FARS2: variants seen among roughly 807,000 people sequenced by gnomAD.
The protein encoded by FARS2 is phenylalanine--tRNA ligase, mitochondrial.
Under a neutral mutation model 46.4 loss-of-function variants are expected in FARS2, and 40 were observed. The observed-to-expected ratio is 0.86, with a 90% CI of 0.67 to 1.12. FARS2 has a LOEUF of 1.12. Ranked by LOEUF, FARS2 falls within the 50% of genes most tolerant of loss-of-function variation. FARS2 has a pLI of 0.00. For missense variants in FARS2, 513 were observed against 567.9 expected (o/e 0.90, Z 0.98); for synonymous variants, 234 against 214.9 (o/e 1.09, Z -0.78).
chr6:5,602,645 C>CAAAAAAA (rs55712653), intron 5 of FARS2, among the ~76,000 whole-genome samples: 2 of 72,196 alleles, frequency 2.8e-5, no homozygotes, highest in African/African-American at 8.4e-5. Flanking sequence ...GACTCCGTCT[C>CAAAAAAA]AAAAAAAAAA....
intron 4 of FARS2, among the ~76,000 whole-genome samples, chr6:5,473,694 G>T (rs1038056064): frequency 6.6e-6 from 1 of 152,068 alleles, no homozygotes; most frequent in Non-Finnish European, 1.5e-5. Flanking sequence ...GGGTGAATTT[G>T]GTAGAAGACT....
chr6:5,423,078 C>T (rs1158421233), intron 3 of FARS2, among the ~76,000 whole-genome samples: 1 of 146,600 alleles, frequency 6.8e-6, no homozygotes, highest in Non-Finnish European at 1.5e-5. Flanking sequence ...CCAGGCTGTC[C>T]CCCACCCGAC....
At chr6:5,715,617 T>A (rs910408294) in intron 6 of FARS2, among the ~76,000 whole-genome samples, 1 of 152,214 alleles carries the variant, frequency 6.6e-6, no homozygotes, top group Non-Finnish European at 1.5e-5. Flanking sequence ...AGCATAATGA[T>A]GTCAAGGTTC....
chr6:5,651,671 C>A (rs949240812), intron 6 of FARS2, among the ~76,000 whole-genome samples: 1 of 152,116 alleles, frequency 6.6e-6, no homozygotes, highest in Non-Finnish European at 1.5e-5. Context: ...ACAACCATTG[C>A]CTCTTCTATT....
intron 6 of FARS2, among the ~76,000 whole-genome samples, chr6:5,687,222 T>G (rs1382320091): frequency 1.3e-5 from 2 of 152,234 alleles, no homozygotes; most frequent in African/African-American, 2.4e-5. Context: ...ATTTGTCAAT[T>G]TTGGCTTTTG....
intron 6 of FARS2, among the ~76,000 whole-genome samples, chr6:5,728,848 G>A (rs1247266179): frequency 6.6e-6 from 1 of 152,110 alleles, no homozygotes; most frequent in Non-Finnish European, 1.5e-5. Flanking sequence ...GGCCTCCCTC[G>A]GCAACCCTAC....
At chr6:5,656,327 C>T (rs12182846) in intron 6 of FARS2, among the ~76,000 whole-genome samples, 3,529 of 152,300 alleles carry the variant, frequency 0.023, 87 homozygotes, top group African/African-American at 0.071. Context: ...ATCTGCCACA[C>T]GTAACCTAGA....
chr6:5,607,450 A>G (rs1774909237), intron 5 of FARS2, among the ~76,000 whole-genome samples: 1 of 152,116 alleles, frequency 6.6e-6, no homozygotes, highest in African/African-American at 2.4e-5. Context: ...AAAGAGGAAG[A>G]CTGGTTAGCA....
chr6:5,422,973 T>C (rs1302951471), intron 3 of FARS2, among the ~76,000 whole-genome samples: 1 of 152,142 alleles, frequency 6.6e-6, no homozygotes, highest in Non-Finnish European at 1.5e-5. Flanking sequence ...TTTGACAAAA[T>C]TGAAGCAGTG....
chr6:5,591,601 G>T (rs1167663404), intron 5 of FARS2, among the ~76,000 whole-genome samples: 9 of 152,222 alleles, frequency 5.9e-5, no homozygotes, highest in Non-Finnish European at 1.5e-5. Context: ...CTATACCATG[G>T]CATGTGGAGC....
intron 2 of FARS2, among the ~76,000 whole-genome samples, chr6:5,384,073 C>T (rs1759966788): frequency 6.6e-6 from 1 of 152,134 alleles, no homozygotes; most frequent in Non-Finnish European, 1.5e-5. Flanking sequence ...TCATGAGAAC[C>T]AGTTCACACC....
At chr6:5,581,406 A>G (rs1773319532) in intron 5 of FARS2, among the ~76,000 whole-genome samples, 1 of 152,212 alleles carries the variant, frequency 6.6e-6, no homozygotes, top group South Asian at 2.1e-4. Context: ...CTTTTACATA[A>G]AAAAACAAAG....
chr6:5,442,341 G>T (rs554686954), intron 4 of FARS2, among the ~76,000 whole-genome samples: 2 of 151,044 alleles, frequency 1.3e-5, no homozygotes, highest in Admixed American at 1.3e-4. Flanking sequence ...TATTCTTCAG[G>T]TTTGTGGCTT....
intron 5 of FARS2, among the ~76,000 whole-genome samples, chr6:5,605,298 G>C (rs1774768081): frequency 1.7e-5 from 1 of 59,710 alleles, no homozygotes; most frequent in Non-Finnish European, 4.2e-5. Context: ...AAATGTGCCA[G>C]GCCAGAGCAT....
intron 1 of FARS2, among the ~76,000 whole-genome samples, chr6:5,296,898 T>C (rs1464995312): frequency 1.3e-5 from 2 of 152,224 alleles, no homozygotes; most frequent in Admixed American, 1.3e-4. Flanking sequence ...TGTACAGATA[T>C]CTTTTCAAGA....
chr6:5,432,446 A>T (rs1373621501), intron 4 of FARS2, among the ~76,000 whole-genome samples: 1 of 128,492 alleles, frequency 7.8e-6, no homozygotes, highest in Non-Finnish European at 1.6e-5. Flanking sequence ...ATAATATATA[A>T]AATATATATT....
the FARS2 span, among the ~76,000 whole-genome samples, chr6:5,253,656 C>A: frequency 6.6e-6 from 1 of 152,018 alleles, no homozygotes; most frequent in Non-Finnish European, 1.5e-5. Context: ...AGATGAGGAG[C>A]CTAGTCGCCG....
chr6:5,569,712 G>A (rs1772529547), intron 5 of FARS2, among the ~76,000 whole-genome samples: 1 of 152,198 alleles, frequency 6.6e-6, no homozygotes, highest in Non-Finnish European at 1.5e-5. Flanking sequence ...GTTTACTGTG[G>A]AGGATGAGTC....
At chr6:5,712,837 ACAGT>A (rs1331173955) in intron 6 of FARS2, among the ~76,000 whole-genome samples, 4 of 152,230 alleles carry the variant, frequency 2.6e-5, no homozygotes, top group African/African-American at 7.2e-5. Flanking sequence ...TCACACAGAC[ACAGT>A]CAGGCATGCA....
Sources: gnomAD v4.1 joint callset for allele counts (sites outside exome capture counted in the v4.1 genomes callset) on GRCh38, gnomAD v4.1.1 for gene constraint, MANE v1.5 for transcripts, NCBI Gene and HGNC (gene_info 2026-07-23, HGNC 2026-07-21) for gene names.